CACNA2D3: variants seen among roughly 807,000 people sequenced by gnomAD.
CACNA2D3 encodes calcium voltage-gated channel auxiliary subunit alpha2delta 3, also known as voltage-dependent calcium channel subunit alpha-2/delta-3.
CACNA2D3 carries 60 observed loss-of-function variants against 160.6 expected under a neutral mutation model. The ratio of observed to expected loss-of-function variants is 0.37; its 90% CI spans 0.30 to 0.46. The LOEUF is 0.46. CACNA2D3 is among the 20% of genes least tolerant of loss of function. The pLI is 1.00. For missense variants in CACNA2D3, 1,205 were observed against 1,365.0 expected, an observed-to-expected ratio of 0.88 and a Z score of 1.85; for synonymous variants, 558 against 492.9, an observed-to-expected ratio of 1.13 and a Z score of -1.75.
chr3:54,920,102 G>T (rs1484993262), intron 27 of CACNA2D3, among the ~76,000 whole-genome samples: 1 of 152,242 alleles, frequency 6.6e-6, no homozygotes, highest in Non-Finnish European at 1.5e-5. Context: ...AGCAAAGTTA[G>T]ATTGGAGGAG....
At chr3:54,836,343 T>G (rs1575503377) in intron 14 of CACNA2D3, among the ~76,000 whole-genome samples, 1 of 151,068 alleles carries the variant, frequency 6.6e-6, no homozygotes, top group African/African-American at 2.4e-5. Context: ...CACACCATTC[T>G]CCTGCCTCAG....
intron 2 of CACNA2D3, among the ~76,000 whole-genome samples, chr3:54,158,295 C>T (rs1032386220): frequency 2.0e-5 from 3 of 152,150 alleles, no homozygotes; most frequent in Non-Finnish European, 2.9e-5. Flanking sequence ...TATTTTATTT[C>T]GGATGCCTTC....
At chr3:54,717,810 A>G (rs577706685) in intron 11 of CACNA2D3, among the ~76,000 whole-genome samples, 128 of 100,256 alleles carry the variant, frequency 1.3e-3, no homozygotes, top group Non-Finnish European at 2.3e-3. Context: ...GTGTGTGCGC[A>G]TGTTTGCGTG....
At chr3:54,697,489 G>A (rs1275479688) in intron 11 of CACNA2D3, among the ~76,000 whole-genome samples, 2 of 152,106 alleles carry the variant, frequency 1.3e-5, no homozygotes, top group Non-Finnish European at 2.9e-5. Flanking sequence ...AGTTTCCAAG[G>A]ACAAGCAGAA....
chr3:54,459,623 GT>G (rs1159728061), intron 4 of CACNA2D3, among the ~76,000 whole-genome samples: 1 of 151,856 alleles, frequency 6.6e-6, no homozygotes, highest in African/African-American at 2.4e-5. Flanking sequence ...GGGGTTGTTT[GT>G]TTTTTTCTTG....
chr3:54,862,100 A>C (rs921500911), intron 17 of CACNA2D3, among the ~76,000 whole-genome samples: 2 of 152,198 alleles, frequency 1.3e-5, no homozygotes, highest in African/African-American at 4.8e-5. Flanking sequence ...TAGTCGGAAC[A>C]TGGCTGGGGC....
At chr3:54,564,125 T>G (rs959904001) in intron 6 of CACNA2D3, among the ~76,000 whole-genome samples, 3 of 152,036 alleles carry the variant, frequency 2.0e-5, no homozygotes, top group African/African-American at 7.2e-5. Flanking sequence ...AGGGGAGAGG[T>G]TCCTCTGCTT....
At chr3:54,280,818 G>T (rs1366832507) in intron 2 of CACNA2D3, among the ~76,000 whole-genome samples, 1 of 152,044 alleles carries the variant, frequency 6.6e-6, no homozygotes, top group South Asian at 2.1e-4. Context: ...TCCTTTTTGG[G>T]TCTCAGCTTA....
intron 14 of CACNA2D3, among the ~76,000 whole-genome samples, chr3:54,820,490 C>T (rs909153523): frequency 3.9e-5 from 6 of 152,110 alleles, no homozygotes; most frequent in Non-Finnish European, 8.8e-5. Context: ...AATTCCTAGA[C>T]TCTATAAATT....
intron 17 of CACNA2D3, among the ~76,000 whole-genome samples, chr3:54,855,317 T>A (rs1051984169): frequency 2.6e-5 from 4 of 152,190 alleles, no homozygotes; most frequent in Non-Finnish European, 4.4e-5. Flanking sequence ...CTTCTCCCTC[T>A]GACCCTTCAT....
chr3:55,054,205 C>G (rs1334206186), intron 35 of CACNA2D3, among the ~76,000 whole-genome samples: 1 of 151,862 alleles, frequency 6.6e-6, no homozygotes. Context: ...TTAGCCCAGT[C>G]AGTATTTCTT....
intron 27 of CACNA2D3, among the ~76,000 whole-genome samples, chr3:54,910,369 G>T (rs2106907774): frequency 6.6e-6 from 1 of 152,152 alleles, no homozygotes; most frequent in Admixed American, 6.5e-5. Context: ...ATGCTCCTCT[G>T]CCTTGCTGTT....
intron 17 of CACNA2D3, among the ~76,000 whole-genome samples, chr3:54,862,048 G>A (rs1012675619): frequency 2.0e-5 from 3 of 152,134 alleles, no homozygotes; most frequent in African/African-American, 4.8e-5. Context: ...CTATCCGGTC[G>A]AGAAGACGGA....
intron 27 of CACNA2D3, among the ~76,000 whole-genome samples, chr3:54,905,909 T>G (rs2106900285): frequency 6.6e-6 from 1 of 152,340 alleles, no homozygotes; most frequent in South Asian, 2.1e-4. Context: ...TATTTTTAAT[T>G]AACTCATTCA....
chr3:54,735,045 C>T lies in CACNA2D3; in HGVS notation c.1168-17554C>T, dbSNP rs114617265. ...CCTAGCGTGGAGACAGGAAGCACAC[C>T]AGCATTTCTTCTCTGTTCTTCAGCC... On this transcript the variant is annotated intron_variant, in intron 11 of 37. Coordinates refer to ENST00000474759, the MANE Select transcript of CACNA2D3 (RefSeq NM_018398.3). Among the ~76,000 whole-genome samples, 683 of 152,300 alleles carry T rather than the reference C, an allele frequency of 4.5e-3. 3 individuals carry two copies. The highest frequency in any genetic ancestry group is 0.015 in the African/African-American group (631 of 41,556).
chr3:54,896,539 A>G (rs1372212831), intron 25 of CACNA2D3: 1 of 535,690 alleles, frequency 1.9e-6, no homozygotes, highest in Non-Finnish European at 3.3e-6. Flanking sequence ...CATTTTACCC[A>G]CTCAGAATTT....
chr3:54,266,793 G>C (rs1702524989), intron 2 of CACNA2D3, among the ~76,000 whole-genome samples: 2 of 152,220 alleles, frequency 1.3e-5, no homozygotes, highest in African/African-American at 4.8e-5. Flanking sequence ...CTAGAGACTG[G>C]CTTACTCCAC....
intron 2 of CACNA2D3, among the ~76,000 whole-genome samples, chr3:54,280,911 C>G (rs533548874): frequency 2.6e-5 from 4 of 152,318 alleles, no homozygotes; most frequent in South Asian, 2.1e-4. Context: ...ACACTCCATA[C>G]TTCCCTTGCT....
intron 2 of CACNA2D3, among the ~76,000 whole-genome samples, chr3:54,149,500 G>T (rs983129966): frequency 6.6e-6 from 1 of 152,108 alleles, no homozygotes; most frequent in Non-Finnish European, 1.5e-5. Flanking sequence ...GAAAGTATTC[G>T]GAGTGAGGCG....
Sources: allele counts gnomAD v4.1 joint callset (sites outside exome capture counted in the v4.1 genomes callset), GRCh38; gene constraint gnomAD v4.1.1; transcripts MANE v1.5; gene names NCBI Gene and HGNC (gene_info 2026-07-23, HGNC 2026-07-21).